BMPR1B: variants seen among roughly 807,000 people sequenced by gnomAD.
BMPR1B encodes bone morphogenetic protein receptor type-1B.
Under a neutral mutation model 59.1 loss-of-function variants are expected in BMPR1B, and 12 were observed. That is an observed-to-expected ratio of 0.20 (90% CI 0.13 to 0.33). The LOEUF (loss-of-function observed/expected upper bound fraction) is 0.33. Among genes scored for constraint, BMPR1B ranks in the 10% least tolerant of loss-of-function variants. BMPR1B has a pLI of 1.00. For missense variants in BMPR1B, 550 were observed against 610.9 expected (o/e 0.90, Z 1.05); for synonymous variants, 237 against 207.3 (o/e 1.14, Z -1.23).
At chr4:94,952,048 G>A (rs990006467) in intron 2 of BMPR1B, among the ~76,000 whole-genome samples, 3 of 152,274 alleles carry the variant, frequency 2.0e-5, no homozygotes, top group South Asian at 2.1e-4. Flanking sequence ...TTTGCATAGA[G>A]GTGTTTATAT....
intron 3 of BMPR1B, among the ~76,000 whole-genome samples, chr4:95,025,218 TAAGAA>T (rs890032353): frequency 6.6e-6 from 1 of 152,166 alleles, no homozygotes; most frequent in African/African-American, 2.4e-5. Flanking sequence ...GGGAAAGTGA[TAAGAA>T]AAGAGGTCAA....
chr4:94,775,792 T>C (rs1452037630), intron 1 of BMPR1B, among the ~76,000 whole-genome samples: 1 of 152,196 alleles, frequency 6.6e-6, no homozygotes, highest in South Asian at 2.1e-4. Context: ...TTACTACGGT[T>C]AGAAATTAAT....
chr4:95,057,615 C>T (rs1727030204), intron 3 of BMPR1B, among the ~76,000 whole-genome samples: 1 of 151,998 alleles, frequency 6.6e-6, no homozygotes, highest in South Asian at 2.1e-4. Flanking sequence ...TTTTGATTGC[C>T]AGTGTAATCC....
intron 1 of BMPR1B, among the ~76,000 whole-genome samples, chr4:94,836,692 C>T (rs1560507617): frequency 6.8e-6 from 1 of 146,928 alleles, no homozygotes; most frequent in Non-Finnish European, 1.5e-5. Flanking sequence ...CGAAGATTTT[C>T]TCCCATTTTG....
intron 1 of BMPR1B, among the ~76,000 whole-genome samples, chr4:94,773,423 T>C (rs1722256240): frequency 6.6e-6 from 1 of 152,092 alleles, no homozygotes; most frequent in East Asian, 1.9e-4. Context: ...TTATAATTCT[T>C]TATATGAGAC....
chr4:95,070,664 AC>A (rs1728211494), intron 3 of BMPR1B, among the ~76,000 whole-genome samples: 1 of 152,184 alleles, frequency 6.6e-6, no homozygotes, highest in African/African-American at 2.4e-5. Flanking sequence ...TAGTGGCCTT[AC>A]AAAAAAACAA....
intron 3 of BMPR1B, among the ~76,000 whole-genome samples, chr4:95,014,074 CTGTTTATCT>C (rs1349695371): frequency 1.2e-4 from 19 of 152,240 alleles, no homozygotes; most frequent in African/African-American, 4.6e-4. Flanking sequence ...TTGTTTATTA[CTGTTTATCT>C]GGTGCTTACA....
At chr4:95,119,474 C>T (rs1206855661) in intron 6 of BMPR1B, among the ~76,000 whole-genome samples, 1 of 152,088 alleles carries the variant, frequency 6.6e-6, no homozygotes, top group Non-Finnish European at 1.5e-5. Flanking sequence ...ACATTAAGAG[C>T]TTACAGATTA....
At chr4:94,789,817 T>C (rs1722907789) in intron 1 of BMPR1B, among the ~76,000 whole-genome samples, 1 of 152,092 alleles carries the variant, frequency 6.6e-6, no homozygotes, top group African/African-American at 2.4e-5. Context: ...AAATATACAT[T>C]TGACCCTGGA....
At chr4:95,100,631 T>C (rs1461339889) in intron 3 of BMPR1B, among the ~76,000 whole-genome samples, 1 of 152,084 alleles carries the variant, frequency 6.6e-6, no homozygotes, top group Non-Finnish European at 1.5e-5. Context: ...GATGATTTTC[T>C]TTCCTCTGTT....
chr4:95,090,528 G>A (rs1208134340), intron 3 of BMPR1B, among the ~76,000 whole-genome samples: 1 of 151,960 alleles, frequency 6.6e-6, no homozygotes, highest in Non-Finnish European at 1.5e-5. Flanking sequence ...TGGTGTGAGT[G>A]AACAATCAGC....
intron 3 of BMPR1B, among the ~76,000 whole-genome samples, chr4:95,051,371 G>C (rs1442370498): frequency 6.6e-6 from 1 of 152,144 alleles, no homozygotes; most frequent in Non-Finnish European, 1.5e-5. Flanking sequence ...AGATTTGGGG[G>C]ACATGGGTAT....
intron 1 of BMPR1B, among the ~76,000 whole-genome samples, chr4:94,772,503 T>C (rs987229432): frequency 6.6e-6 from 1 of 152,220 alleles, no homozygotes; most frequent in African/African-American, 2.4e-5. Flanking sequence ...TTAAAATACT[T>C]AATATTTAAA....
At chr4:94,915,744 A>G (rs762683148) in intron 2 of BMPR1B, among the ~76,000 whole-genome samples, 2 of 152,170 alleles carry the variant, frequency 1.3e-5, no homozygotes, top group African/African-American at 4.8e-5. Context: ...CATCCTACCA[A>G]TAATTCCACA....
chr4:94,815,542 A>G lies in BMPR1B; in HGVS notation c.-183+57474A>G, dbSNP rs145427629. 3.3e-3 allele frequency among the ~76,000 whole-genome samples: 501 copies of G among 152,252 alleles called. 3 individuals are homozygous for G. Among genetic ancestry groups the G allele is most frequent in the African/African-American group, 0.011 (475 of 41,556 alleles). On this transcript the variant is annotated intron_variant, in intron 1 of 12. Coordinates refer to ENST00000515059, the MANE Select transcript of BMPR1B (RefSeq NM_001203.3). ...CGTGCCACATACGTTCTTATTAGTG[A>G]TGTACAGTCAATATTGGCAATATTG...
At chr4:94,939,609 G>T (rs1024227671) in intron 2 of BMPR1B, among the ~76,000 whole-genome samples, 11 of 152,162 alleles carry the variant, frequency 7.2e-5, no homozygotes, top group African/African-American at 2.7e-4. Flanking sequence ...ACTAACCTTT[G>T]ATGTGTTACT....
chr4:94,972,609 T>C (rs1016640096), intron 2 of BMPR1B, among the ~76,000 whole-genome samples: 3 of 150,962 alleles, frequency 2.0e-5, no homozygotes, highest in African/African-American at 7.4e-5. Context: ...TCATCATTGG[T>C]CACTTAGGTT....
chr4:95,001,581 C>CT (rs1237076454), intron 3 of BMPR1B, among the ~76,000 whole-genome samples: 2 of 151,968 alleles, frequency 1.3e-5, no homozygotes, highest in African/African-American at 4.8e-5. Context: ...TAGATTATGT[C>CT]TAAGATTAGA....
chr4:94,990,676 T>TTTGTTGTTG (rs34003455), intron 2 of BMPR1B, among the ~76,000 whole-genome samples: 33 of 150,108 alleles, frequency 2.2e-4, no homozygotes, highest in African/African-American at 5.4e-4. Context: ...GGAATGAGGT[T>TTTGTTGTTG]TTGTTGTTGT....
Sources: allele counts gnomAD v4.1 joint callset (sites outside exome capture counted in the v4.1 genomes callset), GRCh38; gene constraint gnomAD v4.1.1; transcripts MANE v1.5; gene names NCBI Gene and HGNC (gene_info 2026-07-23, HGNC 2026-07-21).